ANKIB1: variants seen among roughly 807,000 people sequenced by gnomAD.
The protein encoded by ANKIB1 is ankyrin repeat and IBR domain-containing protein 1.
Under a neutral mutation model 122.1 loss-of-function variants are expected in ANKIB1, and 43 were observed. The ratio of observed to expected loss-of-function variants is 0.35; its 90% confidence interval spans 0.28 to 0.45. ANKIB1 has a LOEUF of 0.45. ANKIB1 is among the 20% of genes least tolerant of loss of function. ANKIB1 has a pLI of 1.00. For missense variants in ANKIB1, 992 were observed against 1,329.5 expected (o/e 0.75, Z 3.95); for synonymous variants, 390 against 442.0 (o/e 0.88, Z 1.48).
intron 1 of ANKIB1, among the ~76,000 whole-genome samples, chr7:92,283,681 C>T (rs976880905): frequency 3.3e-5 from 5 of 152,272 alleles, no homozygotes; most frequent in African/African-American, 1.2e-4. Flanking sequence ...AAATGCCTAT[C>T]GCCTAGTGAC....
At chr7:92,253,271 T>C (rs996471479) in intron 1 of ANKIB1, among the ~76,000 whole-genome samples, 2 of 152,226 alleles carry the variant, frequency 1.3e-5, no homozygotes, top group Admixed American at 1.3e-4. Flanking sequence ...TCCCCAGTTG[T>C]TTTATTTATT....
chr7:92,369,490 C>T (rs1296028526), intron 10 of ANKIB1, among the ~76,000 whole-genome samples: 4 of 152,156 alleles, frequency 2.6e-5, no homozygotes, highest in African/African-American at 9.7e-5. Context: ...GGTGCTCAGC[C>T]CTTCCAATCC....
intron 1 of ANKIB1, among the ~76,000 whole-genome samples, chr7:92,278,561 T>C (rs939676995): frequency 2.6e-4 from 39 of 152,228 alleles, no homozygotes; most frequent in African/African-American, 9.2e-4. Flanking sequence ...TTTATAGTTT[T>C]CCAGCTATCT....
At chr7:92,328,297 T>C (rs1803070702) in intron 5 of ANKIB1, among the ~76,000 whole-genome samples, 1 of 152,194 alleles carries the variant, frequency 6.6e-6, no homozygotes, top group Non-Finnish European at 1.5e-5. Flanking sequence ...TACCTAAGAA[T>C]TGTGCTATTA....
chr7:92,359,756 C>G (rs1241379328), intron 9 of ANKIB1, among the ~76,000 whole-genome samples: 1 of 152,120 alleles, frequency 6.6e-6, no homozygotes, highest in Non-Finnish European at 1.5e-5. Flanking sequence ...TATATATCCA[C>G]TTTTTTAAAG....
At chr7:92,398,125 T>G (rs1179162626) in intron 19 of ANKIB1, 87 bp from the exon 20 acceptor site, 1 of 1,350,192 alleles carries the variant, frequency 7.4e-7, no homozygotes, top group Non-Finnish European at 9.9e-7. Context: ...AATAATCTGT[T>G]GGTAAAGGAA....
At chr7:92,292,051 A>G (rs913140098) in intron 1 of ANKIB1, among the ~76,000 whole-genome samples, 3 of 152,200 alleles carry the variant, frequency 2.0e-5, no homozygotes, top group South Asian at 2.1e-4. Flanking sequence ...ACATAGACAT[A>G]TTTTGGAGTT....
At chr7:92,263,956 A>G (rs1275323896) in intron 1 of ANKIB1, among the ~76,000 whole-genome samples, 2 of 152,216 alleles carry the variant, frequency 1.3e-5, no homozygotes, top group Non-Finnish European at 2.9e-5. Flanking sequence ...GTATAAAACC[A>G]TTGCCCACAA....
chr7:92,289,766 C>T (rs1339536776), intron 1 of ANKIB1, among the ~76,000 whole-genome samples: 1 of 152,168 alleles, frequency 6.6e-6, no homozygotes, highest in East Asian at 1.9e-4. Context: ...TTTATTTGCC[C>T]ACATGCTTTT....
chr7:92,290,398 T>C (rs1453273610), intron 1 of ANKIB1, among the ~76,000 whole-genome samples: 2 of 150,664 alleles, frequency 1.3e-5, no homozygotes, highest in African/African-American at 4.9e-5. Context: ...TGTGTGTGTG[T>C]GTGTGTATTG....
At chr7:92,279,785 C>G (rs537104729) in intron 1 of ANKIB1, among the ~76,000 whole-genome samples, 2 of 152,290 alleles carry the variant, frequency 1.3e-5, no homozygotes, top group African/African-American at 4.8e-5. Flanking sequence ...CAGCTGTGTT[C>G]CATGTCCAAG....
At chr7:92,282,578 T>G (rs1802031751) in intron 1 of ANKIB1, among the ~76,000 whole-genome samples, 1 of 152,214 alleles carries the variant, frequency 6.6e-6, no homozygotes, top group African/African-American at 2.4e-5. Flanking sequence ...ATTCAAAAAT[T>G]ATGAAAGCCA....
intron 3 of ANKIB1, 99 bp downstream of exon 3, chr7:92,307,755 G>C (rs1585099393): frequency 1.0e-6 from 1 of 953,200 alleles, no homozygotes; most frequent in African/African-American, 1.9e-5. Flanking sequence ...TTAGTAATTT[G>C]GTCATTTTTT....
intron 5 of ANKIB1, among the ~76,000 whole-genome samples, chr7:92,331,383 T>C (rs1353755081): frequency 6.6e-6 from 1 of 151,744 alleles, no homozygotes; most frequent in Non-Finnish European, 1.5e-5. Flanking sequence ...TTCTCTTGCC[T>C]CAGCCTCCCG....
Position 92,399,333 on chromosome 7 carries a change from T to TAAAAA in ANKIB1, c.*395_*399dup, listed in dbSNP as rs200338114. ...CCCTAATCTTTGGGTGGCTTTCCTTTAAAAAAAAAAAAAAAGTTTTCTTCA... is the reference window on the plus strand; with the variant it reads ...CCCTAATCTTTGGGTGGCTTTCCTTTAAAAAAAAAAAAAAAAAAAAGTTTTCTTCA... On this transcript the variant is annotated 3_prime_UTR_variant, in exon 20 of 20. Transcript: ENST00000265742. The TAAAAA allele has an allele frequency of 7.0e-6, 1 of 143,130 alleles. No homozygotes were observed. Among genetic ancestry groups the TAAAAA allele is most frequent in the African/African-American group, 2.6e-5 (1 of 38,624 alleles). 8.9% of individuals were successfully genotyped at this position (143,130 alleles called of 1,614,324 possible). A position where few individuals can be genotyped will look rare whatever the true frequency, so the allele number is the denominator to read the frequency against.
rs946869262 is a variant in ANKIB1 at position 92,279,559 on chromosome 7, A to G, written c.-90-15330A>G. ...TTTAGGGCCCACAGAGGGGTGTCCT[A>G]AATTTGCAGCAGTCCCAGAGTCACA... On this transcript the variant is annotated intron_variant, in intron 1 of 19. Transcript: ENST00000265742. Among the ~76,000 whole-genome samples, 4 of 152,252 alleles carry G rather than the reference A, an allele frequency of 2.6e-5. No individual in the cohort carries two copies. The South Asian group carries it at 8.3e-4, about 32-fold the overall frequency.
At chr7:92,264,156 T>A (rs2131884965) in intron 1 of ANKIB1, among the ~76,000 whole-genome samples, 1 of 150,928 alleles carries the variant, frequency 6.6e-6, no homozygotes, top group Admixed American at 6.6e-5. Flanking sequence ...GTGTTTTTCG[T>A]CGTCGTTTTT....
chr7:92,322,566 T>C (rs1802934717), intron 4 of ANKIB1, among the ~76,000 whole-genome samples: 1 of 152,150 alleles, frequency 6.6e-6, no homozygotes, highest in African/African-American at 2.4e-5. Context: ...AACAGTTTCT[T>C]AAGTGTACTA....
chr7:92,389,842 T>G (rs1804747141), intron 14 of ANKIB1, 129 bp from the exon 15 acceptor site: 5 of 911,152 alleles, frequency 5.5e-6, no homozygotes, highest in Non-Finnish European at 8.1e-6. Flanking sequence ...TTTCATACAG[T>G]TACTTAAAAC....
Sources: allele counts gnomAD v4.1 joint callset (sites outside exome capture counted in the v4.1 genomes callset), GRCh38; gene constraint gnomAD v4.1.1; transcripts MANE v1.5; gene names NCBI Gene and HGNC (gene_info 2026-07-23, HGNC 2026-07-21).